The following GSTO2 variants were observed in gnomAD, a reference collection of about 807,000 sequenced individuals.
GSTO2 encodes glutathione S-transferase omega 2, also known as glutathione S-transferase omega-2.
Under a neutral mutation model 28.4 loss-of-function variants are expected in GSTO2, and 23 were observed. That is an observed-to-expected ratio of 0.81 (90% CI 0.58 to 1.15). GSTO2 has a LOEUF of 1.15. Ranked by LOEUF, GSTO2 falls within the 50% of genes most tolerant of loss-of-function variation. The pLI is 0.00. For synonymous variants in GSTO2, 109 were observed against 111.0 expected, an observed-to-expected ratio of 0.98 and a Z score of 0.11; for missense variants, 298 against 297.8, an observed-to-expected ratio of 1.00 and a Z score of 0.00.
chr10:104,274,781 C>T lies in GSTO2; in HGVS notation c.-135C>T. ...TCGCTTCCCCGTGCCCCGCCAGAGC[C>T]CAGTAGTTCAAAAATTAAATTTGGG... On this transcript the variant is annotated 5_prime_UTR_variant, in exon 2 of 7. Transcript: ENST00000338595. The T allele has an allele frequency of 9.3e-7, 1 of 1,075,162 alleles. No homozygotes were observed. The highest frequency in any genetic ancestry group is 1.4e-6 in the Non-Finnish European group (1 of 721,036). The allele number at this position is 1,075,162 out of a possible 1,614,324, so 66.6% of individuals were successfully genotyped here. A position where few individuals can be genotyped will look rare whatever the true frequency, so the allele number is the denominator to read the frequency against.
intron 5 of GSTO2, among the ~76,000 whole-genome samples, chr10:104,292,582 C>T (rs528762187): frequency 1.3e-5 from 2 of 152,146 alleles, no homozygotes; most frequent in East Asian, 1.9e-4. Flanking sequence ...CCCACCTCAG[C>T]CTCCCAAGTA....
intron 5 of GSTO2, among the ~76,000 whole-genome samples, chr10:104,280,583 GA>G (rs1414365132): frequency 1.3e-5 from 2 of 152,210 alleles, no homozygotes; most frequent in African/African-American, 4.8e-5. Context: ...GAAGAAGGGG[GA>G]AATGGGTGCG....
intron 5 of GSTO2, among the ~76,000 whole-genome samples, chr10:104,281,289 G>A (rs993639592): frequency 6.6e-6 from 1 of 152,034 alleles, no homozygotes. Flanking sequence ...AAAGAAGTTC[G>A]AAAATCTTGT....
rs777281748 is a variant in GSTO2 at position 104,299,606 on chromosome 10, G to A, written c.*322G>A. ...TTCTCCCGCCTCAGCCTCCTGAGAA[G>A]CTAGGACTACAGGTATGTGTCACCA... is the stretch of plus-strand genomic sequence containing the variant. On this transcript the variant is annotated 3_prime_UTR_variant, in exon 7 of 7. Coordinates refer to ENST00000338595, the MANE Select transcript of GSTO2 (RefSeq NM_183239.2). 1.0e-5 allele frequency: 3 copies of A among 298,778 alleles called. No homozygotes were observed. The highest frequency in any genetic ancestry group is 6.9e-5 in the African/African-American group (3 of 43,470). The allele number at this position is 298,778 out of a possible 1,614,324, so 18.5% of individuals were successfully genotyped here. A position where few individuals can be genotyped will look rare whatever the true frequency, so the allele number is the denominator to read the frequency against.
chr10:104,280,095 G>T (rs1390766681), intron 5 of GSTO2, among the ~76,000 whole-genome samples: 4 of 149,542 alleles, frequency 2.7e-5, no homozygotes, highest in Non-Finnish European at 5.9e-5. Flanking sequence ...GAGTCTGGGA[G>T]GTCAAAGCTG....
chr10:104,290,967 T>C (rs2012738781), intron 5 of GSTO2, among the ~76,000 whole-genome samples: 1 of 152,218 alleles, frequency 6.6e-6, no homozygotes, highest in Admixed American at 6.5e-5. Flanking sequence ...ATGTGCTTAT[T>C]GCATACTGCA....
chr10:104,294,384 A>C (rs901873605), intron 5 of GSTO2, among the ~76,000 whole-genome samples: 2 of 152,172 alleles, frequency 1.3e-5, no homozygotes, highest in Non-Finnish European at 2.9e-5. Context: ...CCAGGTTTGC[A>C]CAGAAGGGAA....
At chr10:104,288,154 T>C (rs1282616902) in intron 5 of GSTO2, among the ~76,000 whole-genome samples, 2 of 152,132 alleles carry the variant, frequency 1.3e-5, no homozygotes, top group Non-Finnish European at 2.9e-5. Context: ...CCTCCCAAAG[T>C]GCTGGGATTA....
In GSTO2 at chr10:104,278,487, T is replaced by G. The variant is rs1002354096; in HGVS notation, c.366+371T>G. ...ATGCATAGAAGGTGATGCTTTTTTA[T>G]TATTTTTTTTTTGAGACGGAGTCTC... On this transcript the variant is annotated intron_variant, in intron 4 of 6. Transcript: ENST00000338595. Among the ~76,000 whole-genome samples, 3 of 152,340 alleles carry G rather than the reference T, an allele frequency of 2.0e-5. No homozygotes were observed. In the East Asian group the frequency reaches 5.8e-4, roughly 29 times the overall value.
chr10:104,286,484 G>C (rs976077499), intron 5 of GSTO2, among the ~76,000 whole-genome samples: 1 of 152,168 alleles, frequency 6.6e-6, no homozygotes, highest in Non-Finnish European at 1.5e-5. Flanking sequence ...ATCTGGGAAG[G>C]TTCCACTCTT....
chr10:104,272,169 G>A (rs1264870140), intron 1 of GSTO2, among the ~76,000 whole-genome samples: 2 of 152,092 alleles, frequency 1.3e-5, no homozygotes, highest in Non-Finnish European at 2.9e-5. Context: ...GGGGCACAGG[G>A]TATATGGGAA....
intron 5 of GSTO2, among the ~76,000 whole-genome samples, chr10:104,282,239 A>AAAAAAAG (rs1554902050): frequency 2.0e-5 from 3 of 148,116 alleles, no homozygotes; most frequent in Admixed American, 6.6e-5. Context: ...AAAAAAAAAA[A>AAAAAAAG]AAAAGAAAAG....
At chr10:104,297,430 G>A (rs2135148695) in intron 5 of GSTO2, 148 bp from the exon 6 acceptor site, 1 of 548,342 alleles carries the variant, frequency 1.8e-6, no homozygotes, top group Middle Eastern at 5.1e-4. Flanking sequence ...CTCAGAGAAA[G>A]AGAAGAAGCA....
Position 104,301,955 on chromosome 10 carries a change from A to G in GSTO2, c.*2671A>G, listed in dbSNP as rs1257614796. The G allele has an allele frequency of 6.6e-6, 1 of 152,244 alleles. No individual in the cohort carries two copies. The highest frequency in any genetic ancestry group is 1.5e-5 in the Non-Finnish European group (1 of 68,044). The allele number at this position is 152,244 out of a possible 1,614,324, so 9.4% of individuals were successfully genotyped here. Reference sequence around the variant, plus strand: ...TGTATTAGGCCATTCTCATGGTGCTATAAAGAACTGCCCAAGACTGAGTAA... The same window carrying G: ...TGTATTAGGCCATTCTCATGGTGCTGTAAAGAACTGCCCAAGACTGAGTAA... On this transcript the variant is annotated 3_prime_UTR_variant, in exon 7 of 7. Coordinates refer to ENST00000338595, the MANE Select transcript of GSTO2 (RefSeq NM_183239.2).
intron 5 of GSTO2, among the ~76,000 whole-genome samples, chr10:104,292,647 G>C (rs1433718608): frequency 6.6e-6 from 1 of 151,832 alleles, no homozygotes; most frequent in African/African-American, 2.4e-5. Context: ...GTAGAGACAG[G>C]GTTTTGCTAT....
rs1174909573 is a variant in GSTO2, at chr10:104,304,889, T to C, written c.*5605T>C. ...CAAGGCCAAGTTTAATACTGTGCATTCTGAAATCTTGCAATGTTGATGATG... is the reference window on the plus strand; with the variant it reads ...CAAGGCCAAGTTTAATACTGTGCATCCTGAAATCTTGCAATGTTGATGATG... On this transcript the variant is annotated 3_prime_UTR_variant, in exon 7 of 7. Coordinates refer to ENST00000338595, the MANE Select transcript of GSTO2 (RefSeq NM_183239.2). 1 of 152,262 alleles carries C rather than the reference T, an allele frequency of 6.6e-6. No homozygotes were observed. The highest frequency in any genetic ancestry group is 1.5e-5 in the Non-Finnish European group (1 of 68,042). 9.4% of individuals were successfully genotyped at this position (152,262 alleles called of 1,614,324 possible). A position where few individuals can be genotyped will look rare whatever the true frequency, so the allele number is the denominator to read the frequency against.
In GSTO2 at chr10:104,285,668, A is replaced by C. The variant is rs536677779; in HGVS notation, c.468+6197A>C. On this transcript the variant is annotated intron_variant, in intron 5 of 6. Transcript: ENST00000338595. ...TTTTTTGTGGAGACGAGGTCTCACT[A>C]TGTTGCTCAGGCTGGTCTTGAACTC... is the stretch of plus-strand genomic sequence containing the variant. Among the ~76,000 whole-genome samples, 5 of 152,082 alleles carry C rather than the reference A, an allele frequency of 3.3e-5. No homozygotes were observed. In the South Asian group the frequency reaches 1.0e-3, roughly 32 times the overall value.
Position 104,302,340 on chromosome 10 carries a change from T to TA in GSTO2, c.*3063dup, listed in dbSNP as rs1001134046. The TA allele has an allele frequency of 6.6e-6, 1 of 151,982 alleles. No individual in the cohort carries two copies. Among genetic ancestry groups the TA allele is most frequent in the Non-Finnish European group, 1.5e-5 (1 of 67,988 alleles). The allele number at this position is 151,982 out of a possible 1,614,324, so 9.4% of individuals were successfully genotyped here. Reference sequence around the variant, plus strand: ...CTCTATCTTTTGCAGATTGGAAAAATAAAAAAATTAGTTTAAACCACAGCA... The same window carrying TA: ...CTCTATCTTTTGCAGATTGGAAAAATAAAAAAAATTAGTTTAAACCACAGCA... On this transcript the variant is annotated 3_prime_UTR_variant, in exon 7 of 7. Transcript: ENST00000338595.
chr10:104,300,123 G>C lies in GSTO2; in HGVS notation c.*839G>C, dbSNP rs1212824004. ...TTGGCCATGGGCCTGGAGACACCGAGGGTCTTGTGACTGGAAAGAATTCCA... is the reference window on the plus strand; with the variant it reads ...TTGGCCATGGGCCTGGAGACACCGACGGTCTTGTGACTGGAAAGAATTCCA... On this transcript the variant is annotated 3_prime_UTR_variant, in exon 7 of 7. Transcript: ENST00000338595. The C allele has an allele frequency of 6.6e-6, 1 of 152,216 alleles. No homozygotes were observed. Among genetic ancestry groups the C allele is most frequent in the Non-Finnish European group, 1.5e-5 (1 of 68,048 alleles). 9.4% of individuals were successfully genotyped at this position (152,216 alleles called of 1,614,324 possible). A position where few individuals can be genotyped will look rare whatever the true frequency, so the allele number is the denominator to read the frequency against.
Sources: gnomAD v4.1 joint callset for allele counts (sites outside exome capture counted in the v4.1 genomes callset) on GRCh38, gnomAD v4.1.1 for gene constraint, MANE v1.5 for transcripts, NCBI Gene and HGNC (gene_info 2026-07-23, HGNC 2026-07-21) for gene names.